The following ZFYVE9 variants were observed in gnomAD, a reference collection of about 807,000 sequenced individuals.
ZFYVE9 encodes the protein zinc finger FYVE-type containing 9.
A neutral mutation model predicts 126.7 loss-of-function variants in ZFYVE9; 43 were observed. The observed-to-expected ratio is 0.34, with a 90% confidence interval of 0.27 to 0.44. ZFYVE9 has a LOEUF of 0.44. Ranked by LOEUF, ZFYVE9 falls within the 20% of genes least tolerant of loss-of-function variation. ZFYVE9 has a pLI of 1.00. For synonymous variants in ZFYVE9, 521 were observed against 597.4 expected (o/e 0.87, Z 1.87); for missense variants, 1,476 against 1,697.0 (o/e 0.87, Z 2.29).
rs188976003 is a variant in ZFYVE9 at position 52,277,576 on chromosome 1, T to G, written c.2747-916T>G. 1.3e-3 allele frequency among the ~76,000 whole-genome samples: 201 copies of G among 152,346 alleles called. No homozygotes were observed. The Middle Eastern group carries it at 0.014, about 10-fold the overall frequency. On this transcript the variant is annotated intron_variant, in intron 8 of 18. Transcript: ENST00000287727. ...TTAATAATGGAGTAGATATTTCCCATTGTATCCAAAAAATCCATTTTAAAA... is the reference window on the plus strand; with the variant it reads ...TTAATAATGGAGTAGATATTTCCCAGTGTATCCAAAAAATCCATTTTAAAA...
chr1:52,306,624 A>G (rs1646087880), intron 13 of ZFYVE9, among the ~76,000 whole-genome samples: 1 of 152,212 alleles, frequency 6.6e-6, no homozygotes, highest in African/African-American at 2.4e-5. Flanking sequence ...AGAGAAGGAG[A>G]GAAGAGCTGC....
intron 1 of ZFYVE9, among the ~76,000 whole-genome samples, chr1:52,178,486 A>G (rs1201057374): frequency 6.6e-6 from 1 of 151,666 alleles, no homozygotes; most frequent in East Asian, 2.0e-4. Context: ...ACCCACCACC[A>G]TGCCCGGCTA....
At position 52,331,443 on chromosome 1, in the gene ZFYVE9, T is replaced by C. The variant is rs1412055518; in HGVS notation, c.3439-1325T>C. On this transcript the variant is annotated intron_variant, in intron 13 of 18. Coordinates refer to ENST00000287727, the MANE Select transcript of ZFYVE9 (RefSeq NM_004799.4). The stretch of plus-strand genomic sequence containing the variant: ...AGCCTGGACAACATAGTGAGATCCC[T>C]GTCTCTTAAAAAAAAAAAAAAAGTG... Among the ~76,000 whole-genome samples the C allele has an allele frequency of 1.0e-4, 15 of 146,418 alleles. No individual in the cohort carries two copies. In the East Asian group the frequency reaches 2.4e-3, roughly 24 times the overall value.
rs1399961498 is a variant in ZFYVE9 at position 52,263,819 on chromosome 1, T to A, written c.2225T>A (p.Met742Lys). 1 of 1,447,838 alleles carries A rather than the reference T, an allele frequency of 6.9e-7. No homozygotes were observed. The highest frequency in any genetic ancestry group is 1.6e-5 in the African/African-American group (1 of 64,502). The allele number at this position is 1,447,838 out of a possible 1,614,324, so 89.7% of individuals were successfully genotyped here. Reference protein sequence around the residue: ...CCSLKCKLLYMDRKEARVCVI... With the variant: ...CCSLKCKLLYKDRKEARVCVI... ...AGCCTGAAATGTAAACTGTTATACATGGACAGAAAGGAAGCTAGAGTGTGT... is the reference window on the plus strand; with the variant it reads ...AGCCTGAAATGTAAACTGTTATACAAGGACAGAAAGGAAGCTAGAGTGTGT... Residue 742 changes from methionine to lysine, a missense_variant, in exon 5 of 19, where the codon ATG becomes AAG. Coordinates refer to ENST00000287727, the MANE Select transcript of ZFYVE9 (RefSeq NM_004799.4).
intron 1 of ZFYVE9, among the ~76,000 whole-genome samples, chr1:52,199,524 C>G (rs1644903384): frequency 6.6e-6 from 1 of 152,172 alleles, no homozygotes; most frequent in Non-Finnish European, 1.5e-5. Context: ...TCACTTCTTT[C>G]TAGTGCTGAA....
At chr1:52,324,262 CACA>C (rs1387943685) in intron 13 of ZFYVE9, among the ~76,000 whole-genome samples, 1 of 151,814 alleles carries the variant, frequency 6.6e-6, no homozygotes, top group East Asian at 1.9e-4. Flanking sequence ...AACACACACA[CACA>C]CACACACAAA....
chr1:52,326,158 C>T (rs1646289343), intron 13 of ZFYVE9, among the ~76,000 whole-genome samples: 1 of 152,212 alleles, frequency 6.6e-6, no homozygotes, highest in Non-Finnish European at 1.5e-5. Context: ...TCTGTTGTTA[C>T]AGCAGTTGTT....
Position 52,281,657 on chromosome 1 carries a change from G to A in ZFYVE9, c.2870-4G>A. On this transcript the variant is annotated splice_polypyrimidine_tract_variant and splice_region_variant and intron_variant, in intron 9 of 18. Transcript: ENST00000287727. ...TTATTTTTGTGTTTTTATTCCATCT[G>A]TAGATGTGAACAGGAAGTGCTGGTG... The A allele has an allele frequency of 1.2e-6, 2 of 1,613,432 alleles. No individual in the cohort carries two copies. The highest frequency in any genetic ancestry group is 1.7e-6 in the Non-Finnish European group (2 of 1,179,860).
intron 4 of ZFYVE9, among the ~76,000 whole-genome samples, chr1:52,248,740 A>T (rs1371987466): frequency 6.6e-6 from 1 of 152,206 alleles, no homozygotes; most frequent in Non-Finnish European, 1.5e-5. Flanking sequence ...GTGTACAAGC[A>T]TCTGTTTGAG....
At chr1:52,214,680 G>A (rs1298034603) in intron 1 of ZFYVE9, among the ~76,000 whole-genome samples, 1 of 152,150 alleles carries the variant, frequency 6.6e-6, no homozygotes, top group African/African-American at 2.4e-5. Context: ...GTGTGTGTGT[G>A]TGTGTTTAAA....
At chr1:52,254,612 A>G (rs527693212) in intron 4 of ZFYVE9, among the ~76,000 whole-genome samples, 19 of 152,304 alleles carry the variant, frequency 1.2e-4, no homozygotes, top group African/African-American at 4.6e-4. Context: ...TGCAGTAAAC[A>G]AAAAGATGTG....
At chr1:52,318,531 G>A (rs1646208866) in intron 13 of ZFYVE9, among the ~76,000 whole-genome samples, 1 of 151,880 alleles carries the variant, frequency 6.6e-6, no homozygotes, top group South Asian at 2.1e-4. Context: ...AAACAAGAAC[G>A]GGATGTTCAC....
chr1:52,222,669 A>G (rs888452895), intron 2 of ZFYVE9, among the ~76,000 whole-genome samples: 2 of 152,122 alleles, frequency 1.3e-5, no homozygotes, highest in African/African-American at 2.4e-5. Flanking sequence ...GGAATAGGGT[A>G]TTGTTTTGTT....
At chr1:52,288,687 G>A (rs528318230) in intron 10 of ZFYVE9, among the ~76,000 whole-genome samples, 3 of 152,086 alleles carry the variant, frequency 2.0e-5, no homozygotes, top group African/African-American at 7.2e-5. Context: ...TTGGGAAGCC[G>A]AGGCAGGCAG....
intron 12 of ZFYVE9, among the ~76,000 whole-genome samples, chr1:52,301,960 A>G (rs1383360617): frequency 6.6e-6 from 1 of 152,184 alleles, no homozygotes; most frequent in Non-Finnish European, 1.5e-5. Context: ...AATTCTATCA[A>G]TCTTTTAAAC....
chr1:52,334,614 G>A, intron 14 of ZFYVE9, 74 bp from the exon 15 acceptor site: 2 of 1,486,348 alleles, frequency 1.3e-6, no homozygotes, highest in Non-Finnish European at 1.9e-6. Context: ...CTCAACTTCT[G>A]AATATTTTGT....
At chr1:52,309,869 G>A (rs1471885331) in intron 13 of ZFYVE9, among the ~76,000 whole-genome samples, 3 of 152,128 alleles carry the variant, frequency 2.0e-5, no homozygotes, top group Non-Finnish European at 4.4e-5. Flanking sequence ...TACTTCTGAC[G>A]GCATGGAAAT....
Position 52,238,135 on chromosome 1 carries a change from G to A in ZFYVE9, c.718G>A (p.Val240Ile), listed in dbSNP as rs1173200675. The change falls in exon 4 of 19, where the codon GTC becomes ATC. Residue 240 changes from valine to isoleucine, a missense_variant. Val to Ile is a conservative substitution (Grantham distance 29). This residue lies in a region of ZFYVE9 where 807 missense variants were observed against 794.6 expected (regional missense o/e 1.02). Coordinates refer to ENST00000287727, the MANE Select transcript of ZFYVE9 (RefSeq NM_004799.4). ...CPTSSDSLAS[V>I]CSPSQLKDDG... ...TACTTCATCTGATAGTCTAGCCAGT[G>A]TCTGTTCCCCTTCACAATTAAAGGA... 2.5e-6 allele frequency: 4 copies of A among 1,614,008 alleles called. No individual in the cohort carries two copies. In the Admixed American group the frequency reaches 6.7e-5, roughly 27 times the overall value.
At chr1:52,189,097 C>G (rs907110253) in intron 1 of ZFYVE9, among the ~76,000 whole-genome samples, 1 of 151,882 alleles carries the variant, frequency 6.6e-6, no homozygotes, top group Non-Finnish European at 1.5e-5. Flanking sequence ...ACCACCACGC[C>G]TGGCTAATTT....
Sources: allele counts gnomAD v4.1 joint callset (sites outside exome capture counted in the v4.1 genomes callset), GRCh38; gene constraint gnomAD v4.1.1; regional missense constraint gnomAD v4.1.1; transcripts MANE v1.5; gene names NCBI Gene and HGNC (gene_info 2026-07-23, HGNC 2026-07-21).